SUGP2: variants seen among roughly 807,000 people sequenced by gnomAD.
SUGP2 encodes SURP and G-patch domain containing 2.
In SUGP2, 24 loss-of-function variants were observed where a neutral mutation model predicts 90.5. That is an observed-to-expected ratio of 0.27 (90% CI 0.19 to 0.37). The LOEUF (loss-of-function observed/expected upper bound fraction) is 0.37. Ranked by LOEUF, SUGP2 falls within the 10% of genes least tolerant of loss-of-function variation. SUGP2 has a pLI of 1.00. For synonymous variants in SUGP2, 473 were observed against 513.4 expected (o/e 0.92, Z 1.06); for missense variants, 1,233 against 1,363.3 (o/e 0.90, Z 1.51).
intron 2 of SUGP2, among the ~76,000 whole-genome samples, chr19:19,030,238 C>G (rs1242755035): frequency 2.0e-5 from 3 of 151,972 alleles, no homozygotes; most frequent in African/African-American, 7.2e-5. Flanking sequence ...GCCTGTAATC[C>G]CAGCATCTTG....
chr19:19,007,932 G>A (rs1370118457), intron 6 of SUGP2, among the ~76,000 whole-genome samples: 1 of 151,828 alleles, frequency 6.6e-6, no homozygotes, highest in African/African-American at 2.4e-5. Context: ...GCTAATTTTT[G>A]TATTTTTGTA....
chr19:19,029,792 A>T (rs191644923), intron 2 of SUGP2, among the ~76,000 whole-genome samples: 27 of 151,996 alleles, frequency 1.8e-4, no homozygotes, highest in Admixed American at 1.4e-3. Context: ...AATACAAAAA[A>T]ATTAGCCGGG....
chr19:18,996,611 G>A (rs567573173), intron 8 of SUGP2, among the ~76,000 whole-genome samples: 1 of 152,016 alleles, frequency 6.6e-6, no homozygotes, highest in African/African-American at 2.4e-5. Flanking sequence ...GGAGTGCAGT[G>A]ATGCAATCTC....
intron 2 of SUGP2, among the ~76,000 whole-genome samples, chr19:19,028,517 G>A (rs989289734): frequency 1.4e-4 from 21 of 152,226 alleles, no homozygotes; most frequent in Non-Finnish European, 2.6e-4. Flanking sequence ...TAGTGACAGA[G>A]AGTGATGGCT....
chr19:19,000,641 A>G (rs1463267481), intron 8 of SUGP2, among the ~76,000 whole-genome samples: 5 of 151,824 alleles, frequency 3.3e-5, no homozygotes, highest in African/African-American at 1.2e-4. Context: ...GGCTCAAGTG[A>G]TCCCCCTGTC....
At chr19:19,027,729 C>T (rs1011819030) in intron 2 of SUGP2, among the ~76,000 whole-genome samples, 4 of 152,070 alleles carry the variant, frequency 2.6e-5, no homozygotes, top group Non-Finnish European at 5.9e-5. Flanking sequence ...CCTCCACCTC[C>T]CAGGTTCAAG....
chr19:18,994,321 C>G (rs755601105), intron 10 of SUGP2, 45 bp downstream of exon 10: 1 of 1,591,660 alleles, frequency 6.3e-7, no homozygotes, highest in African/African-American at 1.3e-5. Flanking sequence ...CATACCAGCA[C>G]GCCAGCGAGG....
intron 4 of SUGP2, among the ~76,000 whole-genome samples, chr19:19,018,686 C>CA (rs55923416): frequency 0.015 from 1,251 of 85,852 alleles, 69 homozygotes; most frequent in East Asian, 0.034. Context: ...GGCTCCGTCT[C>CA]AAAAAAAAAA....
At position 19,025,553 on chromosome 19, in the gene SUGP2, A is replaced by C. The variant is rs1260708253; in HGVS notation, c.795T>G (p.Thr265=). 1 of 1,613,456 alleles carries C rather than the reference A, an allele frequency of 6.2e-7. No individual in the cohort carries two copies. Among genetic ancestry groups the C allele is most frequent in the African/African-American group, 1.3e-5 (1 of 74,696 alleles). The change falls in exon 3 of 11, where the codon ACT becomes ACG. Residue 265 remains threonine, a synonymous_variant. Transcript: ENST00000452918. ...TTTTCTGGATTTGGTTAGTGCCCTG[A>C]GTTTTGGGAGTAATACGATTCACGG... is the stretch of plus-strand genomic sequence containing the variant. The part of the protein sequence containing the change: ...IPTVNRITPK[T]QGTNQIQKNT...
Position 19,025,670 on chromosome 19 carries a change from T to C in SUGP2, c.678A>G (p.Leu226=). The change falls in exon 3 of 11, where the codon CTA becomes CTG. Residue 226 remains leucine (L), a synonymous_variant. Transcript: ENST00000452918. ...GCAGGCCCTGAGTCTCCCCCTTTCC[T>C]AGGAGGGAACCTTCCTGGTCAACGA... The part of the protein sequence containing the change: ...LNIVDQEGSL[L]GKGETQGLLT... 10 of 1,614,022 alleles carry C rather than the reference T, an allele frequency of 6.2e-6. No individual in the cohort carries two copies. The highest frequency in any genetic ancestry group is 8.5e-6 in the Non-Finnish European group (10 of 1,179,952).
chr19:19,008,196 C>G, intron 6 of SUGP2, 121 bp downstream of exon 6: 1 of 846,262 alleles, frequency 1.2e-6, no homozygotes, highest in Non-Finnish European at 2.0e-6. Flanking sequence ...CCCAGCTACT[C>G]TGGAGGCTGA....
chr19:19,022,642 G>A (rs1452307711), intron 3 of SUGP2, among the ~76,000 whole-genome samples: 3 of 152,200 alleles, frequency 2.0e-5, no homozygotes, highest in Non-Finnish European at 4.4e-5. Context: ...GGGTAAGTGG[G>A]TGGGTTATAA....
Position 19,025,455 on chromosome 19 carries a change from A to G in SUGP2, c.893T>C (p.Ile298Thr). ...TEDIQFPIQK[I>T]PLGLDLKNLR... ...ATTCTTCAGATCCAGCCCCAGAGGG[A>G]TCTTCTGAATGGGGAACTGGATATC... Residue 298 changes from isoleucine to threonine, a missense_variant, in exon 3 of 11, where the codon ATC (isoleucine) becomes ACC (threonine). By Grantham distance (89) the Ile-to-Thr change is moderately conservative. Transcript: ENST00000452918. The G allele has an allele frequency of 6.2e-7, 1 of 1,614,114 alleles. No individual in the cohort carries two copies. The highest frequency in any genetic ancestry group is 8.5e-7 in the Non-Finnish European group (1 of 1,180,024).
chr19:19,003,815 C>G (rs2057945162), intron 7 of SUGP2, among the ~76,000 whole-genome samples: 1 of 152,210 alleles, frequency 6.6e-6, no homozygotes, highest in Non-Finnish European at 1.5e-5. Flanking sequence ...TATCAGCACC[C>G]TGGGCCTTCC....
intron 9 of SUGP2, 165 bp from the exon 10 acceptor site, chr19:18,994,651 G>A (rs2057500456): frequency 1.0e-6 from 1 of 987,282 alleles, no homozygotes; most frequent in Non-Finnish European, 1.5e-6. Flanking sequence ...GAAACAAGGA[G>A]TACTCACCCT....
intron 3 of SUGP2, 106 bp downstream of exon 3, chr19:19,024,513 T>C: frequency 2.3e-6 from 3 of 1,311,048 alleles, no homozygotes; most frequent in Non-Finnish European, 3.1e-6. Flanking sequence ...AATCCTGATA[T>C]GTTTCCAATT....
chr19:18,994,647 A>C, intron 9 of SUGP2, 161 bp from the exon 10 acceptor site: 1 of 1,016,470 alleles, frequency 9.8e-7, no homozygotes. Context: ...AGTAGAAACA[A>C]GGAGTACTCA....
At chr19:19,031,181 G>A in intron 1 of SUGP2, 99 bp from the exon 2 acceptor site, 1 of 1,304,984 alleles carries the variant, frequency 7.7e-7, no homozygotes, top group Non-Finnish European at 1.1e-6. Context: ...GTCGAGGTGG[G>A]CGGATCACCT....
intron 2 of SUGP2, among the ~76,000 whole-genome samples, chr19:19,028,306 C>A (rs1217630267): frequency 6.6e-6 from 1 of 152,116 alleles, no homozygotes; most frequent in South Asian, 2.1e-4. Flanking sequence ...CAAGTCGGGC[C>A]CTCAGTGGTA....
Sources: gnomAD v4.1 joint callset for allele counts (sites outside exome capture counted in the v4.1 genomes callset) on GRCh38, gnomAD v4.1.1 for gene constraint, MANE v1.5 for transcripts, NCBI Gene and HGNC (gene_info 2026-07-23, HGNC 2026-07-21) for gene names.